Variants in PAN3 observed in about 807,000 individuals in gnomAD.
PAN3 encodes the protein poly(A) specific ribonuclease subunit PAN3.
A neutral mutation model predicts 96.2 loss-of-function variants in PAN3; 19 were observed. The ratio of observed to expected loss-of-function variants is 0.20; its 90% CI spans 0.14 to 0.29. PAN3 has a LOEUF of 0.29. Among genes scored for constraint, PAN3 ranks in the 10% least tolerant of loss-of-function variants. The probability of loss-of-function intolerance (pLI) is 1.00; values close to 1 mark genes in which losing one functional copy is unlikely to be tolerated. For synonymous variants in PAN3, 433 were observed against 406.6 expected, an observed-to-expected ratio of 1.06 and a Z score of -0.78; for missense variants, 882 against 1,108.1, an observed-to-expected ratio of 0.80 and a Z score of 2.90.
intron 4 of PAN3, among the ~76,000 whole-genome samples, chr13:28,187,352 T>C (rs958056752): frequency 2.6e-5 from 4 of 152,142 alleles, no homozygotes; most frequent in African/African-American, 7.2e-5. Context: ...TTTTTTTCAC[T>C]CAAAATATTT....
chr13:28,243,256 T>G (rs2138512784), intron 6 of PAN3, among the ~76,000 whole-genome samples: 1 of 152,356 alleles, frequency 6.6e-6, no homozygotes, highest in East Asian at 1.9e-4. Flanking sequence ...CTCTGGAATC[T>G]CAGATGCACT....
intron 6 of PAN3, among the ~76,000 whole-genome samples, chr13:28,236,285 A>G (rs79288065): frequency 0.012 from 1,840 of 152,294 alleles, 43 homozygotes; most frequent in African/African-American, 0.042. Context: ...GCTTTCATAT[A>G]TAGGTACAGA....
Position 28,256,332 on chromosome 13 carries a change from C to T in PAN3, c.1041C>T (p.Pro347=). 6.2e-7 allele frequency: 1 copy of T among 1,613,818 alleles called. No homozygotes were observed. Among genetic ancestry groups the T allele is most frequent in the Non-Finnish European group, 8.5e-7 (1 of 1,179,718 alleles). The change falls in exon 7 of 19, where the codon CCC becomes CCT. Residue 347 remains proline (P), a synonymous_variant. Transcript: ENST00000380958. ...LSAGSSPLHS[P]KITPHTSPAP... ...CTGGGTCTTCCCCTCTTCATTCCCC[C>T]AAGATTACTCCACATACTTCTCCTG...
At position 28,216,209 on chromosome 13, in the gene PAN3, A is replaced by T. The variant is rs148672634; in HGVS notation, c.853-4022A>T. Among the ~76,000 whole-genome samples, 1,032 of 151,978 alleles carry T rather than the reference A, an allele frequency of 6.8e-3. 11 individuals carry two copies. The highest frequency in any genetic ancestry group is 0.024 in the African/African-American group (999 of 41,478). On this transcript the variant is annotated intron_variant, in intron 5 of 18. Transcript: ENST00000380958. ...AACAAAGTTTAGTGAGAAAAAAAAA[A>T]AAGCCAGGTAAAAAATACATATATG...
At chr13:28,284,064 A>G (rs1407725828) in intron 17 of PAN3, among the ~76,000 whole-genome samples, 1 of 152,188 alleles carries the variant, frequency 6.6e-6, no homozygotes, top group African/African-American at 2.4e-5. Flanking sequence ...TGTGATTGCT[A>G]GGTCAGTAGG....
chr13:28,165,617 T>C (rs1161160853), intron 1 of PAN3, among the ~76,000 whole-genome samples: 1 of 152,214 alleles, frequency 6.6e-6, no homozygotes, highest in Non-Finnish European at 1.5e-5. Context: ...CTATAATGAT[T>C]GTTCAATTTC....
chr13:28,286,864 C>T (rs1869048083), intron 17 of PAN3, among the ~76,000 whole-genome samples: 1 of 152,182 alleles, frequency 6.6e-6, no homozygotes, highest in Admixed American at 6.5e-5. Flanking sequence ...AACTTCTCCT[C>T]TGGTTCTTAG....
intron 6 of PAN3, among the ~76,000 whole-genome samples, chr13:28,246,473 C>T (rs9513063): frequency 0.39 from 59,649 of 152,132 alleles, 13,296 homozygotes; most frequent in African/African-American, 0.62. Context: ...TTTTGAATTA[C>T]ACAATAAATT....
intron 1 of PAN3, among the ~76,000 whole-genome samples, chr13:28,169,222 CTTT>C (rs202200725): frequency 1.1e-4 from 8 of 74,980 alleles, no homozygotes; most frequent in African/African-American, 3.9e-4. Context: ...TTTTTGTTTG[CTTT>C]TTTTTTTTTT....
intron 4 of PAN3, 67 bp downstream of exon 4, chr13:28,178,002 T>C (rs955624966): frequency 1.8e-5 from 26 of 1,414,356 alleles, no homozygotes; most frequent in Non-Finnish European, 4.0e-6. Flanking sequence ...TTGTTACCTA[T>C]GTAGTGTCAA....
chr13:28,144,823 C>T (rs1009633993), intron 1 of PAN3, among the ~76,000 whole-genome samples: 4 of 130,328 alleles, frequency 3.1e-5, no homozygotes, highest in African/African-American at 7.4e-5. Context: ...CAGGTTCAAG[C>T]GGTTCTCCTG....
chr13:28,253,906 TA>T (rs1205557331), intron 6 of PAN3, among the ~76,000 whole-genome samples: 2 of 152,246 alleles, frequency 1.3e-5, no homozygotes, highest in Non-Finnish European at 2.9e-5. Context: ...TACCCTATAG[TA>T]AATTCTACTA....
At chr13:28,287,309 A>T (rs1437248357) in intron 17 of PAN3, among the ~76,000 whole-genome samples, 2 of 152,206 alleles carry the variant, frequency 1.3e-5, no homozygotes, top group Non-Finnish European at 2.9e-5. Flanking sequence ...ATTGTATCAC[A>T]GTTTGATCTG....
chr13:28,239,199 ACG>A (rs547893609), intron 6 of PAN3, among the ~76,000 whole-genome samples: 1 of 113,018 alleles, frequency 8.8e-6, no homozygotes. Context: ...GCATGCACAC[ACG>A]CACACACACA....
chr13:28,204,344 C>T (rs1220709516), intron 5 of PAN3, among the ~76,000 whole-genome samples: 1 of 152,208 alleles, frequency 6.6e-6, no homozygotes, highest in African/African-American at 2.4e-5. Flanking sequence ...TCTATGACTA[C>T]ATAGTTCAAA....
chr13:28,274,204 C>T (rs1240602699), intron 14 of PAN3, among the ~76,000 whole-genome samples: 1 of 152,142 alleles, frequency 6.6e-6, no homozygotes, highest in Non-Finnish European at 1.5e-5. Flanking sequence ...TGTTCTTCTG[C>T]CTGAGGGCAT....
In PAN3 at chr13:28,218,098, T is replaced by C. The variant is rs184096919; in HGVS notation, c.853-2133T>C. Among the ~76,000 whole-genome samples the C allele has an allele frequency of 1.6e-3, 242 of 152,156 alleles. 1 individual carries two copies. The highest frequency in any genetic ancestry group is 2.9e-3 in the South Asian group (14 of 4,830). ...ATATACCTATGCTATTTTTAATAGATTTTATAGTTTTAAAAAAAGATTTAT... is the reference window on the plus strand; with the variant it reads ...ATATACCTATGCTATTTTTAATAGACTTTATAGTTTTAAAAAAAGATTTAT... On this transcript the variant is annotated intron_variant, in intron 5 of 18. Coordinates refer to ENST00000380958, the MANE Select transcript of PAN3 (RefSeq NM_175854.8).
chr13:28,260,413 A>G (rs1244221354), intron 7 of PAN3, 34 bp from the exon 8 acceptor site: 4 of 1,484,678 alleles, frequency 2.7e-6, no homozygotes, highest in Non-Finnish European at 3.8e-6. Flanking sequence ...AAGAAAAATG[A>G]GTGATTACAT....
At chr13:28,265,531 A>G (rs1886088511) in intron 9 of PAN3, among the ~76,000 whole-genome samples, 1 of 152,192 alleles carries the variant, frequency 6.6e-6, no homozygotes, top group Admixed American at 6.5e-5. Context: ...TATTATCCTC[A>G]TTTATGAAAT....
Sources: allele counts gnomAD v4.1 joint callset (sites outside exome capture counted in the v4.1 genomes callset), GRCh38; gene constraint gnomAD v4.1.1; transcripts MANE v1.5; gene names NCBI Gene and HGNC (gene_info 2026-07-23, HGNC 2026-07-21).